KCNH5: variants seen among roughly 807,000 people sequenced by gnomAD.
KCNH5 encodes the protein voltage-gated delayed rectifier potassium channel KCNH5.
A neutral mutation model predicts 96.1 loss-of-function variants in KCNH5; 46 were observed. That is an observed-to-expected ratio of 0.48 (90% CI 0.38 to 0.61). The LOEUF is 0.61. Ranked by LOEUF, KCNH5 falls within the 20% of genes least tolerant of loss-of-function variation. The pLI is 0.00. For synonymous variants in KCNH5, 439 were observed against 449.8 expected (o/e 0.98, Z 0.30); for missense variants, 907 against 1,225.8 (o/e 0.74, Z 3.88).
At chr14:62,888,339 A>C (rs921366688) in intron 7 of KCNH5, among the ~76,000 whole-genome samples, 1 of 152,202 alleles carries the variant, frequency 6.6e-6, no homozygotes, top group African/African-American at 2.4e-5. Context: ...AACAGAAATT[A>C]TGAGAGTGTA....
At chr14:62,945,092 G>C (rs1292936527) in intron 7 of KCNH5, among the ~76,000 whole-genome samples, 1 of 151,984 alleles carries the variant, frequency 6.6e-6, no homozygotes, top group African/African-American at 2.4e-5. Flanking sequence ...AGGAGAGAAG[G>C]AATAGAACCA....
chr14:62,834,460 T>C (rs766315915), intron 8 of KCNH5, among the ~76,000 whole-genome samples: 1 of 152,024 alleles, frequency 6.6e-6, no homozygotes, highest in Admixed American at 6.6e-5. Context: ...CTATTTATTG[T>C]ACTAGAGGGA....
chr14:62,790,393 C>T (rs1378364254), intron 9 of KCNH5, among the ~76,000 whole-genome samples: 1 of 151,668 alleles, frequency 6.6e-6, no homozygotes, highest in Non-Finnish European at 1.5e-5. Flanking sequence ...GTTTTTTCTA[C>T]AGCTTCATAA....
At chr14:62,731,113 C>G (rs892463653) in intron 10 of KCNH5, among the ~76,000 whole-genome samples, 3 of 151,874 alleles carry the variant, frequency 2.0e-5, no homozygotes, top group Non-Finnish European at 4.4e-5. Context: ...CCAGCCTGGC[C>G]AATATGGTGA....
chr14:62,894,489 T>C (rs1259572181), intron 7 of KCNH5, among the ~76,000 whole-genome samples: 1 of 152,238 alleles, frequency 6.6e-6, no homozygotes, highest in Non-Finnish European at 1.5e-5. Context: ...CTCATGTAGA[T>C]TCCCTCCATC....
At chr14:62,982,930 A>G (rs1890637374) in intron 5 of KCNH5, among the ~76,000 whole-genome samples, 1 of 152,128 alleles carries the variant, frequency 6.6e-6, no homozygotes, top group African/African-American at 2.4e-5. Flanking sequence ...GGTAAGATTC[A>G]TGTTGGGGTG....
chr14:63,009,063 T>C (rs1273518352), intron 2 of KCNH5, among the ~76,000 whole-genome samples: 4 of 152,136 alleles, frequency 2.6e-5, no homozygotes, highest in African/African-American at 9.6e-5. Context: ...CATTTCACAC[T>C]GCTACTAAAT....
At chr14:62,899,454 T>C (rs1353054136) in intron 7 of KCNH5, among the ~76,000 whole-genome samples, 1 of 152,172 alleles carries the variant, frequency 6.6e-6, no homozygotes, top group East Asian at 1.9e-4. Context: ...AGGTGACAGA[T>C]ATGTTAAATG....
intron 8 of KCNH5, among the ~76,000 whole-genome samples, chr14:62,822,461 G>A (rs171459): frequency 1.3e-5 from 2 of 151,800 alleles, no homozygotes; most frequent in South Asian, 2.1e-4. Context: ...AGAAATATAC[G>A]AACACAGATA....
chr14:63,019,786 T>A (rs1891391573), intron 1 of KCNH5, among the ~76,000 whole-genome samples: 1 of 152,034 alleles, frequency 6.6e-6, no homozygotes. Context: ...ATTTCTTATA[T>A]AAGCCTCATA....
intron 10 of KCNH5, among the ~76,000 whole-genome samples, chr14:62,730,269 G>A (rs535937167): frequency 2.2e-3 from 337 of 152,208 alleles, no homozygotes; most frequent in Non-Finnish European, 3.3e-3. Flanking sequence ...TTATATGTAA[G>A]GACAAGAAAC....
chr14:62,865,576 A>G (rs1888119040), intron 7 of KCNH5, among the ~76,000 whole-genome samples: 1 of 152,194 alleles, frequency 6.6e-6, no homozygotes, highest in Non-Finnish European at 1.5e-5. Context: ...TAACACAGCT[A>G]CATTCTTGCA....
intron 2 of KCNH5, among the ~76,000 whole-genome samples, chr14:63,012,202 T>C (rs1336964828): frequency 6.6e-6 from 1 of 152,194 alleles, no homozygotes; most frequent in Non-Finnish European, 1.5e-5. Context: ...CCAAAGTCTA[T>C]AACCTCTTTT....
At chr14:62,979,517 A>T (rs112005540) in intron 6 of KCNH5, among the ~76,000 whole-genome samples, 39 of 152,182 alleles carry the variant, frequency 2.6e-4, no homozygotes, top group African/African-American at 9.1e-4. Context: ...CTATCTCCCA[A>T]CACACATAGA....
Position 62,876,116 on chromosome 14 carries a change from G to A in KCNH5, c.1370-26264C>T, listed in dbSNP as rs112509154. Among the ~76,000 whole-genome samples the A allele has an allele frequency of 6.5e-3, 987 of 152,278 alleles. 8 individuals are homozygous for A. Among genetic ancestry groups the A allele is most frequent in the African/African-American group, 0.019 (774 of 41,554 alleles). On this transcript the variant is annotated intron_variant, in intron 7 of 10. Coordinates refer to ENST00000322893, the MANE Select transcript of KCNH5 (RefSeq NM_139318.5). ...TGGGAGGCGGAGGTTGCAGTGAGTC[G>A]AGATGGTGCCACTGCACTCCAGACT...
chr14:62,745,271 T>C (rs966902870), intron 10 of KCNH5, among the ~76,000 whole-genome samples: 3 of 152,170 alleles, frequency 2.0e-5, no homozygotes, highest in Non-Finnish European at 4.4e-5. Flanking sequence ...TAGACCCCTA[T>C]GGTCAGGCCT....
At chr14:62,934,365 G>A (rs1486557556) in intron 7 of KCNH5, among the ~76,000 whole-genome samples, 1 of 152,118 alleles carries the variant, frequency 6.6e-6, no homozygotes, top group Non-Finnish European at 1.5e-5. Context: ...AAGCAGTCCT[G>A]ACCTTGTGTT....
At chr14:62,710,761 G>A (rs1595588947) in intron 10 of KCNH5, among the ~76,000 whole-genome samples, 1 of 152,282 alleles carries the variant, frequency 6.6e-6, no homozygotes, top group African/African-American at 2.4e-5. Context: ...ACAAGTGGTA[G>A]GCACACAGGA....
intron 7 of KCNH5, among the ~76,000 whole-genome samples, chr14:62,858,632 C>T (rs2140054564): frequency 6.6e-6 from 1 of 152,272 alleles, no homozygotes; most frequent in Non-Finnish European, 1.5e-5. Flanking sequence ...GGAACCAAGA[C>T]CTCTAGGTCA....
Sources: allele counts gnomAD v4.1 joint callset (sites outside exome capture counted in the v4.1 genomes callset), GRCh38; gene constraint gnomAD v4.1.1; transcripts MANE v1.5; gene names NCBI Gene and HGNC (gene_info 2026-07-23, HGNC 2026-07-21).